NCK2: variants seen among roughly 807,000 people sequenced by gnomAD.
NCK2 encodes cytoplasmic protein NCK2.
In NCK2, 16 loss-of-function variants were observed where a neutral mutation model predicts 33.9. The ratio of observed to expected loss-of-function variants is 0.47; its 90% CI spans 0.32 to 0.72. The LOEUF is 0.72. NCK2 is among the 30% of genes least tolerant of loss of function. The probability of loss-of-function intolerance (pLI) is 0.03; values close to 1 mark genes in which losing one functional copy is unlikely to be tolerated. For synonymous variants in NCK2, 273 were observed against 239.9 expected (o/e 1.14, Z -1.27); for missense variants, 418 against 537.3 (o/e 0.78, Z 2.19).
intron 1 of NCK2, among the ~76,000 whole-genome samples, chr2:105,749,601 G>C (rs1478238789): frequency 6.6e-6 from 1 of 152,096 alleles, no homozygotes; most frequent in African/African-American, 2.4e-5. Flanking sequence ...GGGTAGAGTT[G>C]TTTTTTTGTG....
At chr2:105,859,815 G>C (rs1366162382) in intron 3 of NCK2, among the ~76,000 whole-genome samples, 2 of 152,198 alleles carry the variant, frequency 1.3e-5, no homozygotes, top group Non-Finnish European at 2.9e-5. Flanking sequence ...TGGAGGGAGG[G>C]AGGCAGAGCC....
intron 2 of NCK2, among the ~76,000 whole-genome samples, chr2:105,822,034 C>T (rs1022726513): frequency 6.6e-6 from 1 of 151,856 alleles, no homozygotes; most frequent in Non-Finnish European, 1.5e-5. Flanking sequence ...ATGACTTGGC[C>T]GGGGCTCCTA....
rs533244550 is a variant in NCK2, at chr2:105,854,968, G to A, written c.-16-80G>A. ...CAGAGTTGTAATAAAAGCTGTCAGTGCCTAATTTTTCAAGTTGGTGCAAAG... is the reference window on the plus strand; with the variant it reads ...CAGAGTTGTAATAAAAGCTGTCAGTACCTAATTTTTCAAGTTGGTGCAAAG... On this transcript the variant is annotated intron_variant, in intron 2 of 4. Coordinates refer to ENST00000233154, the MANE Select transcript of NCK2 (RefSeq NM_003581.5). 9.7e-6 allele frequency: 10 copies of A among 1,034,990 alleles called. No homozygotes were observed. The East Asian group carries it at 1.7e-4, about 18-fold the overall frequency. The allele number at this position is 1,034,990 out of a possible 1,614,324, so 64.1% of individuals were successfully genotyped here.
At chr2:105,824,663 T>A (rs761256323) in intron 2 of NCK2, among the ~76,000 whole-genome samples, 3 of 152,186 alleles carry the variant, frequency 2.0e-5, no homozygotes, top group Non-Finnish European at 4.4e-5. Context: ...TCTGGAGGAA[T>A]CACTGGGGCG....
intron 2 of NCK2, chr2:105,846,700 C>T (rs1676867120): frequency 6.6e-6 from 1 of 152,120 alleles, no homozygotes; most frequent in South Asian, 2.1e-4. Flanking sequence ...ATGTAGAGAA[C>T]TTGGTACCCT....
At chr2:105,784,862 G>T (rs531056366) in intron 1 of NCK2, among the ~76,000 whole-genome samples, 1 of 152,222 alleles carries the variant, frequency 6.6e-6, no homozygotes, top group Non-Finnish European at 1.5e-5. Context: ...TAGGATACAC[G>T]AGTAAAGTTA....
chr2:105,786,946 G>A (rs538917393), intron 1 of NCK2, among the ~76,000 whole-genome samples: 41 of 152,374 alleles, frequency 2.7e-4, no homozygotes, highest in Middle Eastern at 3.4e-3. Context: ...CGAAGCAGGG[G>A]ACCTGCGAAA....
chr2:105,747,777 C>A (rs1340194312), intron 1 of NCK2, among the ~76,000 whole-genome samples: 1 of 152,170 alleles, frequency 6.6e-6, no homozygotes, highest in African/African-American at 2.4e-5. Context: ...CTTCACGGCA[C>A]GTTTTCAAAG....
At chr2:105,840,671 G>A (rs904283387) in intron 2 of NCK2, among the ~76,000 whole-genome samples, 1 of 152,230 alleles carries the variant, frequency 6.6e-6, no homozygotes, top group Admixed American at 6.5e-5. Flanking sequence ...ATAAACTGGG[G>A]TTCCCATGTT....
intron 4 of NCK2, among the ~76,000 whole-genome samples, chr2:105,883,631 C>T (rs757263330): frequency 4.1e-4 from 62 of 152,124 alleles, no homozygotes; most frequent in Non-Finnish European, 8.1e-4. Context: ...GGAACATGCA[C>T]AGGTGGTCAT....
intron 1 of NCK2, among the ~76,000 whole-genome samples, chr2:105,755,165 A>G (rs997140594): frequency 1.3e-5 from 2 of 152,188 alleles, no homozygotes. Flanking sequence ...AAATTAAGCC[A>G]TCTGTCTTGC....
intron 1 of NCK2, among the ~76,000 whole-genome samples, chr2:105,787,078 C>T (rs538405007): frequency 6.6e-6 from 1 of 152,356 alleles, no homozygotes; most frequent in East Asian, 1.9e-4. Context: ...TCTTGCTCTG[C>T]CCGCTGCAGG....
intron 1 of NCK2, among the ~76,000 whole-genome samples, chr2:105,804,181 C>T (rs968142784): frequency 6.6e-6 from 1 of 152,166 alleles, no homozygotes; most frequent in Non-Finnish European, 1.5e-5. Context: ...CTAGAGAAAG[C>T]TTGAGATGTT....
intron 2 of NCK2, among the ~76,000 whole-genome samples, chr2:105,820,250 C>T (rs2104494285): frequency 6.6e-6 from 1 of 152,306 alleles, no homozygotes; most frequent in East Asian, 1.9e-4. Flanking sequence ...CAGGCATTTG[C>T]CATTTGGTCG....
At chr2:105,830,062 A>G (rs996272843) in intron 2 of NCK2, among the ~76,000 whole-genome samples, 1 of 152,156 alleles carries the variant, frequency 6.6e-6, no homozygotes, top group African/African-American at 2.4e-5. Context: ...GGTAATTAGC[A>G]TATTCATTCC....
chr2:105,852,939 G>A (rs577728694), intron 2 of NCK2, among the ~76,000 whole-genome samples: 33 of 151,962 alleles, frequency 2.2e-4, no homozygotes, highest in Middle Eastern at 3.4e-3. Flanking sequence ...CTTCCCAAAA[G>A]GTTTGTTATC....
chr2:105,777,258 G>A (rs921945315), intron 1 of NCK2, among the ~76,000 whole-genome samples: 1 of 152,144 alleles, frequency 6.6e-6, no homozygotes, highest in Non-Finnish European at 1.5e-5. Context: ...TTGCGGGGGG[G>A]CAACGCTTTG....
rs1181403412 is a variant in NCK2 at position 105,826,884 on chromosome 2, CAAAAG to C, written c.-17+10275_-17+10279del. ...AAAGATAGACCATGCAAATACTAATCAAAAGAAAGCAGAAATTGTTATATTAATAT... is the reference window on the plus strand; with the variant it reads ...AAAGATAGACCATGCAAATACTAATCAAAGCAGAAATTGTTATATTAATAT... On this transcript the variant is annotated intron_variant, in intron 2 of 4. Coordinates refer to ENST00000233154, the MANE Select transcript of NCK2 (RefSeq NM_003581.5). 5.3e-5 allele frequency among the ~76,000 whole-genome samples: 8 copies of C among 152,112 alleles called. No individual in the cohort carries two copies. The South Asian group carries it at 1.5e-3, about 28-fold the overall frequency.
At chr2:105,817,340 A>G (rs1675532907) in intron 2 of NCK2, among the ~76,000 whole-genome samples, 1 of 152,214 alleles carries the variant, frequency 6.6e-6, no homozygotes, top group Non-Finnish European at 1.5e-5. Context: ...CACCACAGGC[A>G]CCAGACAAAA....
Sources: gnomAD v4.1 joint callset for allele counts (sites outside exome capture counted in the v4.1 genomes callset) on GRCh38, gnomAD v4.1.1 for gene constraint, MANE v1.5 for transcripts, NCBI Gene and HGNC (gene_info 2026-07-23, HGNC 2026-07-21) for gene names.